RBMS3: variants seen among roughly 807,000 people sequenced by gnomAD.
RBMS3 encodes RNA-binding motif, single-stranded-interacting protein 3.
In RBMS3, 27 loss-of-function variants were observed where a neutral mutation model predicts 66.8. That is an observed-to-expected ratio of 0.40 (90% CI 0.30 to 0.56). RBMS3 has a LOEUF of 0.56. Ranked by LOEUF, RBMS3 falls within the 20% of genes least tolerant of loss-of-function variation. The pLI is 0.40. For missense variants in RBMS3, 513 were observed against 549.5 expected, an observed-to-expected ratio of 0.93 and a Z score of 0.66; for synonymous variants, 188 against 183.0, an observed-to-expected ratio of 1.03 and a Z score of -0.22.
intron 6 of RBMS3, among the ~76,000 whole-genome samples, chr3:29,845,040 C>G (rs919656675): frequency 6.6e-6 from 1 of 152,184 alleles, no homozygotes; most frequent in South Asian, 2.1e-4. Flanking sequence ...AGAACACCAG[C>G]CTTCAAGGCT....
intron 4 of RBMS3, among the ~76,000 whole-genome samples, chr3:29,590,655 G>A (rs538885417): frequency 2.0e-5 from 3 of 151,966 alleles, no homozygotes; most frequent in Admixed American, 6.6e-5. Flanking sequence ...GGCTGTTACT[G>A]TTCTTGGCAA....
In RBMS3 at chr3:29,411,127, G is replaced by A. The variant is rs372563581; in HGVS notation, c.76-23616G>A. Among the ~76,000 whole-genome samples the A allele has an allele frequency of 7.7e-4, 117 of 152,242 alleles. No homozygotes were observed. In the South Asian group the frequency reaches 0.024, roughly 31 times the overall value. On this transcript the variant is annotated intron_variant, in intron 1 of 14. Coordinates refer to ENST00000383767, the MANE Select transcript of RBMS3 (RefSeq NM_001003793.3). ...AAGTGGCAACAACATAATCAGAAAA[G>A]CAGCTATCCTTTGATATCTGATATC...
At chr3:29,833,365 G>A (rs930614647) in intron 6 of RBMS3, among the ~76,000 whole-genome samples, 1 of 152,038 alleles carries the variant, frequency 6.6e-6, no homozygotes. Flanking sequence ...GCCTTCAAAA[G>A]AATTGTTTTA....
chr3:29,304,148 T>C (rs1033197093), intron 1 of RBMS3, among the ~76,000 whole-genome samples: 9 of 151,996 alleles, frequency 5.9e-5, no homozygotes, highest in African/African-American at 2.2e-4. Flanking sequence ...TGTTTGCTTT[T>C]GTATATAGTC....
intron 3 of RBMS3, among the ~76,000 whole-genome samples, chr3:29,527,461 G>A (rs1397079453): frequency 2.6e-5 from 4 of 152,110 alleles, no homozygotes; most frequent in Non-Finnish European, 5.9e-5. Context: ...ATCTGGGCCT[G>A]AATTTTTGCT....
At chr3:29,351,210 G>T (rs1008647374) in intron 1 of RBMS3, among the ~76,000 whole-genome samples, 1 of 152,092 alleles carries the variant, frequency 6.6e-6, no homozygotes, top group South Asian at 2.1e-4. Flanking sequence ...AAATAATGAC[G>T]TGATGAACAT....
intron 4 of RBMS3, among the ~76,000 whole-genome samples, chr3:29,598,225 C>A (rs192724344): frequency 4.6e-5 from 7 of 152,058 alleles, no homozygotes; most frequent in African/African-American, 9.7e-5. Flanking sequence ...CAGAATGCAG[C>A]ACACAGAAGT....
At chr3:29,417,565 T>A (rs1215074985) in intron 1 of RBMS3, among the ~76,000 whole-genome samples, 1 of 152,196 alleles carries the variant, frequency 6.6e-6, no homozygotes, top group African/African-American at 2.4e-5. Context: ...CTTAGTATGC[T>A]GTACCCTAAT....
intron 3 of RBMS3, among the ~76,000 whole-genome samples, chr3:29,511,503 C>T (rs1042191460): frequency 1.3e-5 from 2 of 151,980 alleles, no homozygotes; most frequent in African/African-American, 2.4e-5. Context: ...TTTGTTGGTG[C>T]CTCTGTGAGT....
intron 4 of RBMS3, among the ~76,000 whole-genome samples, chr3:29,653,580 G>A (rs1559539976): frequency 6.6e-6 from 1 of 151,946 alleles, no homozygotes; most frequent in Non-Finnish European, 1.5e-5. Flanking sequence ...TGTATTTATG[G>A]GCTTCTAGGT....
chr3:29,443,362 T>C (rs1199735626), intron 2 of RBMS3, among the ~76,000 whole-genome samples: 1 of 152,090 alleles, frequency 6.6e-6, no homozygotes, highest in Non-Finnish European at 1.5e-5. Context: ...ATCTTAAGGA[T>C]TGGTAAGTTT....
At chr3:29,383,596 G>A (rs1443232798) in intron 1 of RBMS3, among the ~76,000 whole-genome samples, 2 of 152,162 alleles carry the variant, frequency 1.3e-5, no homozygotes, top group African/African-American at 2.4e-5. Context: ...CCAAGGAATA[G>A]GGATATATTG....
intron 12 of RBMS3, among the ~76,000 whole-genome samples, chr3:29,974,776 GT>G (rs574905461): frequency 2.4e-3 from 350 of 143,370 alleles, no homozygotes; most frequent in African/African-American, 8.4e-3. Flanking sequence ...GTTTCTCATT[GT>G]TTTATATTTT....
At position 30,003,979 on chromosome 3, in the gene RBMS3, GTTGT is replaced by G; in HGVS notation, c.*120_*123del. On this transcript the variant is annotated 3_prime_UTR_variant, in exon 15 of 15. Coordinates refer to ENST00000383767, the MANE Select transcript of RBMS3 (RefSeq NM_001003793.3). Reference sequence around the variant, plus strand: ...TGGAATGCATTTTTTTGTTGTTGTTGTTGTTTTTTTTTTAGTGTTATACCTTACC... The same window carrying G: ...TGGAATGCATTTTTTTGTTGTTGTTGTTTTTTTTTAGTGTTATACCTTACC... The G allele has an allele frequency of 4.3e-6, 4 of 932,654 alleles. No individual in the cohort carries two copies. Among genetic ancestry groups the G allele is most frequent in the Admixed American group, 3.1e-5 (1 of 31,832 alleles). 57.8% of individuals were successfully genotyped at this position (932,654 alleles called of 1,614,324 possible). A position where few individuals can be genotyped will look rare whatever the true frequency, so the allele number is the denominator to read the frequency against.
chr3:29,451,081 T>C (rs1212055195), intron 2 of RBMS3, among the ~76,000 whole-genome samples: 7 of 152,170 alleles, frequency 4.6e-5, no homozygotes, highest in Non-Finnish European at 5.9e-5. Flanking sequence ...CCACTAACAC[T>C]TTGTGTCAAC....
At position 30,005,329 on chromosome 3, in the gene RBMS3, C is replaced by G. The variant is rs998998846; in HGVS notation, c.*1467C>G. ...TCTGGATATGAACTGATTCATAGAG[C>G]CAAGTGGCTTTAAATTCTGTGAGCT... On this transcript the variant is annotated 3_prime_UTR_variant, in exon 15 of 15. Coordinates refer to ENST00000383767, the MANE Select transcript of RBMS3 (RefSeq NM_001003793.3). The G allele has an allele frequency of 6.6e-6, 1 of 151,730 alleles. No homozygotes were observed. Among genetic ancestry groups the G allele is most frequent in the Admixed American group, 6.6e-5 (1 of 15,214 alleles). 9.4% of individuals were successfully genotyped at this position (151,730 alleles called of 1,614,324 possible).
At chr3:29,373,538 G>A (rs2125607185) in intron 1 of RBMS3, among the ~76,000 whole-genome samples, 1 of 152,314 alleles carries the variant, frequency 6.6e-6, no homozygotes, top group Admixed American at 6.5e-5. Flanking sequence ...GAAACCCTTG[G>A]TGTTGGTTTG....
intron 3 of RBMS3, among the ~76,000 whole-genome samples, chr3:29,557,056 A>C (rs2046392009): frequency 6.6e-6 from 1 of 152,108 alleles, no homozygotes; most frequent in Non-Finnish European, 1.5e-5. Context: ...CTGTCACTCA[A>C]AGTAGGTTTT....
At chr3:29,284,862 C>CTTTTTTTTTTTTTTTTTTTTTTTTT (rs773078453) in intron 1 of RBMS3, among the ~76,000 whole-genome samples, 1 of 112,758 alleles carries the variant, frequency 8.9e-6, no homozygotes, top group Non-Finnish European at 1.7e-5. Flanking sequence ...ATGAATTTTT[C>CTTTTTTTTTTTTTTTTTTTTTTTTT]TTTTTTTTTT....
Sources: gnomAD v4.1 joint callset for allele counts (sites outside exome capture counted in the v4.1 genomes callset) on GRCh38, gnomAD v4.1.1 for gene constraint, MANE v1.5 for transcripts, NCBI Gene and HGNC (gene_info 2026-07-23, HGNC 2026-07-21) for gene names.